Variants in DMXL1 observed in about 807,000 individuals in gnomAD.
DMXL1 encodes the protein Dmx like 1.
A neutral mutation model predicts 319.2 loss-of-function variants in DMXL1; 99 were observed. The observed-to-expected ratio is 0.31, with a 90% CI of 0.26 to 0.37. The LOEUF is 0.37. Among genes scored for constraint, DMXL1 ranks in the 10% least tolerant of loss-of-function variants. DMXL1 has a pLI of 1.00. For missense variants in DMXL1, 3,745 were observed against 3,595.6 expected (o/e 1.04, Z -1.06); for synonymous variants, 1,385 against 1,235.2 (o/e 1.12, Z -2.54).
In DMXL1 at chr5:119,171,818, A is replaced by C. The variant is rs1193629627; in HGVS notation, c.6530A>C (p.Gln2177Pro). The C allele has an allele frequency of 6.2e-7, 1 of 1,613,590 alleles. No homozygotes were observed. Among genetic ancestry groups the C allele is most frequent in the Non-Finnish European group, 8.5e-7 (1 of 1,179,714 alleles). Residue 2177 changes from glutamine (Q) to proline (P), a missense_variant, in exon 25 of 44, where the codon CAA (glutamine) becomes CCA (proline). Transcript: ENST00000539542. ...CTATTTTCTAGCCCTCTGTCAGAGC[A>C]AACCTCAGTGCCTCTCCTCTTTGCT... ...EPLFSSPLSE[Q>P]TSVPLLFACT...
chr5:119,213,264 A>G (rs1433313656), intron 34 of DMXL1, among the ~76,000 whole-genome samples: 3 of 152,172 alleles, frequency 2.0e-5, no homozygotes, highest in Non-Finnish European at 4.4e-5. Flanking sequence ...GATTTAGCCT[A>G]ACCTGCCCAT....
chr5:119,213,296 T>C (rs1220561252), intron 34 of DMXL1, among the ~76,000 whole-genome samples: 1 of 152,212 alleles, frequency 6.6e-6, no homozygotes, highest in East Asian at 1.9e-4. Flanking sequence ...TTCTGCTCTG[T>C]ATGCAGATAT....
intron 9 of DMXL1, chr5:119,127,437 T>C (rs1175545182): frequency 4.6e-5 from 7 of 152,116 alleles, no homozygotes; most frequent in African/African-American, 1.7e-4. Context: ...AGAATTTTAG[T>C]TCAACTTTAA....
At chr5:119,123,683 A>G (rs1182969097) in intron 9 of DMXL1, among the ~76,000 whole-genome samples, 2 of 151,602 alleles carry the variant, frequency 1.3e-5, no homozygotes, top group African/African-American at 2.4e-5. Flanking sequence ...TTTTATAGGC[A>G]TGGAGTCTCA....
At chr5:119,099,087 G>A (rs1269116525) in intron 2 of DMXL1, among the ~76,000 whole-genome samples, 3 of 151,800 alleles carry the variant, frequency 2.0e-5, no homozygotes, top group Non-Finnish European at 4.4e-5. Context: ...TATAGTTACA[G>A]GTGTCCTCTA....
intron 37 of DMXL1, among the ~76,000 whole-genome samples, chr5:119,224,051 T>C (rs1390131586): frequency 1.3e-5 from 2 of 152,094 alleles, no homozygotes; most frequent in Non-Finnish European, 2.9e-5. Flanking sequence ...TCCCTCTTCT[T>C]TTCTCTGGCC....
chr5:119,210,528 C>G (rs1027992797), intron 34 of DMXL1, among the ~76,000 whole-genome samples: 12 of 152,056 alleles, frequency 7.9e-5, no homozygotes, highest in Non-Finnish European at 4.4e-5. Flanking sequence ...AGCATTATTT[C>G]TTGAAAAGAT....
chr5:119,110,382 A>G (rs565844922), intron 5 of DMXL1, 99 bp downstream of exon 5: 2 of 1,140,898 alleles, frequency 1.8e-6, no homozygotes. Context: ...TGACATAAAA[A>G]GTATTGATTT....
At chr5:119,093,369 C>G (rs1755226529) in intron 1 of DMXL1, among the ~76,000 whole-genome samples, 1 of 152,114 alleles carries the variant, frequency 6.6e-6, no homozygotes, top group Admixed American at 6.5e-5. Context: ...CTCCTGACCT[C>G]AAGTGATCTG....
At chr5:119,188,713 C>G (rs1778190980) in intron 28 of DMXL1, among the ~76,000 whole-genome samples, 1 of 152,190 alleles carries the variant, frequency 6.6e-6, no homozygotes. Context: ...TTTTAGTAAT[C>G]TCTTAGAATA....
rs1265887157 is a variant in DMXL1 at position 119,220,495 on chromosome 5, C to T, written c.8037C>T (p.Ile2679=). ...AGGCAAATAGAAACTGCATAGCAATCGCTTCCAGTCATGATGTTCAAGAAC... is the reference window on the plus strand; with the variant it reads ...AGGCAAATAGAAACTGCATAGCAATTGCTTCCAGTCATGATGTTCAAGAAC... ...VNKANRNCIA[I]ASSHDVQELD... The change falls in exon 36 of 44, where the codon ATC becomes ATT. Residue 2679 remains isoleucine, a synonymous_variant. Transcript: ENST00000539542. 19 of 1,613,774 alleles carry T rather than the reference C, an allele frequency of 1.2e-5. No homozygotes were observed. The highest frequency in any genetic ancestry group is 8.8e-5 in the South Asian group (8 of 91,050).
At chr5:119,191,405 T>C (rs1308719806) in intron 29 of DMXL1, among the ~76,000 whole-genome samples, 1 of 152,252 alleles carries the variant, frequency 6.6e-6, no homozygotes, top group Non-Finnish European at 1.5e-5. Context: ...TTAAGGGTAG[T>C]GAAGGGAGTT....
chr5:119,242,036 G>A (rs1788926882), intron 42 of DMXL1, among the ~76,000 whole-genome samples: 1 of 152,148 alleles, frequency 6.6e-6, no homozygotes, highest in South Asian at 2.1e-4. Flanking sequence ...GTGTGCGTAT[G>A]TTTCAATAAA....
chr5:119,174,623 C>G (rs1561797601), intron 25 of DMXL1, among the ~76,000 whole-genome samples: 1 of 152,234 alleles, frequency 6.6e-6, no homozygotes. Flanking sequence ...TTTTAATATT[C>G]TAGTCTGGTT....
At chr5:119,197,491 G>C (rs1161893084) in intron 31 of DMXL1, among the ~76,000 whole-genome samples, 1 of 152,098 alleles carries the variant, frequency 6.6e-6, no homozygotes, top group Non-Finnish European at 1.5e-5. Context: ...ATAATCTTCA[G>C]ATACATTTTT....
At chr5:119,086,313 C>T (rs1753353671) in intron 1 of DMXL1, among the ~76,000 whole-genome samples, 1 of 152,176 alleles carries the variant, frequency 6.6e-6, no homozygotes, top group Admixed American at 6.5e-5. Flanking sequence ...ATGGGAGTAC[C>T]ATTCAAGATG....
chr5:119,175,357 A>G lies in DMXL1; in HGVS notation c.6758+20A>G. On this transcript the variant is annotated intron_variant, in intron 26 of 43. Coordinates refer to ENST00000539542, the MANE Select transcript of DMXL1 (RefSeq NM_001290321.3). ...CTACAGGTAACTATCTTTTTATGAA[A>G]TTTAAGAATGCTTACAGTAAGCAAT... 6.4e-7 allele frequency: 1 copy of G among 1,553,968 alleles called. No homozygotes were observed. Among genetic ancestry groups the G allele is most frequent in the Non-Finnish European group, 8.9e-7 (1 of 1,128,510 alleles).
chr5:119,202,891 A>ATATATATATATATGTATATTTATATATT (rs1781046718), intron 32 of DMXL1, among the ~76,000 whole-genome samples: 6 of 139,958 alleles, frequency 4.3e-5, no homozygotes, highest in African/African-American at 1.7e-4. Context: ...ATTTTTATAT[A>ATATATATATATATGTATATTTATATATT]TATATATATA....
intron 25 of DMXL1, among the ~76,000 whole-genome samples, chr5:119,175,030 ATGTG>A (rs1453879809): frequency 6.6e-6 from 1 of 152,180 alleles, no homozygotes; most frequent in Non-Finnish European, 1.5e-5. Context: ...TAGGTAGCAA[ATGTG>A]TGTTTTATAA....
Sources: gnomAD v4.1 joint callset for allele counts (sites outside exome capture counted in the v4.1 genomes callset) on GRCh38, gnomAD v4.1.1 for gene constraint, MANE v1.5 for transcripts, NCBI Gene and HGNC (gene_info 2026-07-23, HGNC 2026-07-21) for gene names.